Variants in GALNT7 observed in about 807,000 individuals in gnomAD.
GALNT7 encodes the protein polypeptide N-acetylgalactosaminyltransferase 7.
Under a neutral mutation model 82.1 loss-of-function variants are expected in GALNT7, and 60 were observed. The observed-to-expected ratio is 0.73, with a 90% confidence interval of 0.59 to 0.91. The LOEUF is 0.91. GALNT7 is among the 40% of genes least tolerant of loss of function. GALNT7 has a pLI of 0.00. For missense variants in GALNT7, 660 were observed against 804.2 expected (o/e 0.82, Z 2.17); for synonymous variants, 243 against 275.1 (o/e 0.88, Z 1.15).
rs1218025891 is a variant in GALNT7, at chr4:173,323,894, GA to G, written c.*2180del. The G allele has an allele frequency of 6.6e-6, 1 of 152,526 alleles. No homozygotes were observed. The highest frequency in any genetic ancestry group is 1.5e-5 in the Non-Finnish European group (1 of 67,974). 9.4% of individuals were successfully genotyped at this position (152,526 alleles called of 1,614,324 possible). A position where few individuals can be genotyped will look rare whatever the true frequency, so the allele number is the denominator to read the frequency against. ...CAAAATTTTATTAGGATAAATTTGA[GA>G]AACTTACGTATATCTTAATTCTGGG... On this transcript the variant is annotated 3_prime_UTR_variant, in exon 12 of 12. Transcript: ENST00000265000.
At chr4:173,246,211 T>A (rs185401249) in intron 1 of GALNT7, among the ~76,000 whole-genome samples, 15 of 152,378 alleles carry the variant, frequency 9.8e-5, no homozygotes, top group African/African-American at 3.4e-4. Context: ...GGAATGCAAT[T>A]GATTATTGCC....
intron 1 of GALNT7, among the ~76,000 whole-genome samples, chr4:173,181,028 A>C (rs1396642945): frequency 6.6e-6 from 1 of 152,232 alleles, no homozygotes; most frequent in Non-Finnish European, 1.5e-5. Flanking sequence ...GAATTTTAAA[A>C]ATCCATTAGA....
At position 173,248,286 on chromosome 4, in the gene GALNT7, G is replaced by A. The variant is rs769276386; in HGVS notation, c.433G>A (p.Val145Met). ...ACCCAAAGAACCTGAGCCTCCTGGA[G>A]TGGTTGGTGGCCCTGGAGAGAAAGC... is the stretch of plus-strand genomic sequence containing the variant. ...FEPKEPEPPG[V>M]VGGPGEKAKP... Residue 145 changes from valine to methionine, a missense_variant, in exon 2 of 12, where the codon GTG (valine) becomes ATG (methionine). Around this residue, in one of 2 missense-constraint regions of GALNT7, gnomAD observed 527 missense variants for 683.5 expected, o/e 0.77. Transcript: ENST00000265000. 9.9e-6 allele frequency: 16 copies of A among 1,613,958 alleles called. No individual in the cohort carries two copies. Among genetic ancestry groups the A allele is most frequent in the Non-Finnish European group, 1.4e-5 (16 of 1,179,854 alleles).
intron 2 of GALNT7, among the ~76,000 whole-genome samples, chr4:173,281,569 C>G (rs1326737499): frequency 6.6e-6 from 1 of 152,170 alleles, no homozygotes; most frequent in Non-Finnish European, 1.5e-5. Flanking sequence ...TGGCTGCACC[C>G]TACAGCCAAG....
intron 1 of GALNT7, among the ~76,000 whole-genome samples, chr4:173,208,683 G>A (rs1004039351): frequency 2.6e-5 from 4 of 152,028 alleles, no homozygotes; most frequent in Admixed American, 6.6e-5. Flanking sequence ...GTTCCAGCCC[G>A]TCTCTTCCCT....
chr4:173,259,129 G>A (rs1735157089), intron 2 of GALNT7, among the ~76,000 whole-genome samples: 1 of 152,160 alleles, frequency 6.6e-6, no homozygotes, highest in Non-Finnish European at 1.5e-5. Context: ...AATCACCCCT[G>A]ATTAAAAATC....
rs7695280 is a variant in GALNT7 at position 173,301,207 on chromosome 4, T to G, written c.1149-840T>G. ...ATAGGTTCCATTGAACCTATTTGAG[T>G]AGATTGAATATTATGTATGATGATG... On this transcript the variant is annotated intron_variant, in intron 6 of 11. Transcript: ENST00000265000. Among the ~76,000 whole-genome samples, 971 of 151,562 alleles carry G rather than the reference T, an allele frequency of 6.4e-3. 12 individuals carry two copies. Among genetic ancestry groups the G allele is most frequent in the African/African-American group, 0.022 (926 of 41,308 alleles).
chr4:173,253,060 G>T (rs1185873447), intron 2 of GALNT7, among the ~76,000 whole-genome samples: 1 of 151,946 alleles, frequency 6.6e-6, no homozygotes, highest in Non-Finnish European at 1.5e-5. Flanking sequence ...AAATCAGCTG[G>T]GCGTGTTGGC....
chr4:173,214,026 T>G (rs1399406746), intron 1 of GALNT7, among the ~76,000 whole-genome samples: 2 of 152,144 alleles, frequency 1.3e-5, no homozygotes, highest in African/African-American at 4.8e-5. Context: ...CAACATACAT[T>G]TCACTTTATA....
intron 5 of GALNT7, among the ~76,000 whole-genome samples, chr4:173,297,416 G>A (rs577407161): frequency 2.0e-5 from 3 of 152,200 alleles, no homozygotes; most frequent in Non-Finnish European, 2.9e-5. Context: ...ACACGCACAC[G>A]CATGCACACG....
intron 2 of GALNT7, among the ~76,000 whole-genome samples, chr4:173,264,434 C>T (rs990799091): frequency 2.6e-5 from 4 of 152,158 alleles, no homozygotes; most frequent in Non-Finnish European, 4.4e-5. Flanking sequence ...TGTCCCAATA[C>T]GGTGTGAGTT....
intron 1 of GALNT7, among the ~76,000 whole-genome samples, chr4:173,228,266 A>G (rs1733902423): frequency 6.6e-6 from 1 of 150,702 alleles, no homozygotes; most frequent in South Asian, 2.1e-4. Context: ...TCATCACCAG[A>G]GAAAACTGCT....
chr4:173,229,887 CT>C (rs2126706502), intron 1 of GALNT7, among the ~76,000 whole-genome samples: 2 of 151,934 alleles, frequency 1.3e-5, no homozygotes, highest in East Asian at 3.9e-4. Context: ...CTTGGTAAGC[CT>C]TTGGAGGTTC....
At chr4:173,303,087 C>G (rs1266748962) in intron 7 of GALNT7, among the ~76,000 whole-genome samples, 1 of 151,570 alleles carries the variant, frequency 6.6e-6, no homozygotes, top group East Asian at 1.9e-4. Context: ...CCCAGATACT[C>G]GGGAGGCTGA....
intron 1 of GALNT7, among the ~76,000 whole-genome samples, chr4:173,205,663 C>T (rs1021304408): frequency 6.6e-6 from 1 of 152,138 alleles, no homozygotes; most frequent in Admixed American, 6.5e-5. Flanking sequence ...GACCCATCCC[C>T]TGTCACTGGG....
intron 1 of GALNT7, among the ~76,000 whole-genome samples, chr4:173,175,667 A>G (rs934798860): frequency 7.2e-5 from 11 of 152,230 alleles, no homozygotes; most frequent in African/African-American, 2.7e-4. Flanking sequence ...ACCCTGTCAT[A>G]AGTCTGAGCA....
rs565432248 is a variant in GALNT7, at chr4:173,292,777, C to T, written c.754+503C>T. Among the ~76,000 whole-genome samples the T allele has an allele frequency of 6.6e-6, 1 of 152,112 alleles. No homozygotes were observed. The highest frequency in any genetic ancestry group is 1.5e-5 in the Non-Finnish European group (1 of 67,996). ...GCCTATTTTTCCTTTCATCTCTGTG[C>T]AGCTGATCCTTTTATTAACTAATCA... is the stretch of plus-strand genomic sequence containing the variant. On this transcript the variant is annotated intron_variant, in intron 3 of 11. Coordinates refer to ENST00000265000, the MANE Select transcript of GALNT7 (RefSeq NM_017423.3). The surrounding 1 kb of genome is among the most constrained non-coding windows in gnomAD (Gnocchi z 4.8).
chr4:173,237,479 C>G (rs1032353419), intron 1 of GALNT7, among the ~76,000 whole-genome samples: 1 of 152,182 alleles, frequency 6.6e-6, no homozygotes, highest in Admixed American at 6.5e-5. Flanking sequence ...AACAAACATT[C>G]TCTCCCAACA....
At chr4:173,171,842 T>G (rs1051136183) in intron 1 of GALNT7, among the ~76,000 whole-genome samples, 1 of 152,182 alleles carries the variant, frequency 6.6e-6, no homozygotes, top group Non-Finnish European at 1.5e-5. Context: ...CACACAGCAA[T>G]CAAACCTCGA....
Sources: allele counts gnomAD v4.1 joint callset (sites outside exome capture counted in the v4.1 genomes callset), GRCh38; gene constraint gnomAD v4.1.1; regional missense constraint gnomAD v4.1.1; non-coding constraint Gnocchi (gnomAD v3.1); transcripts MANE v1.5; gene names NCBI Gene and HGNC (gene_info 2026-07-23, HGNC 2026-07-21).